The following SPATA13 variants were observed in gnomAD, a reference collection of about 807,000 sequenced individuals.
The protein encoded by SPATA13 is spermatogenesis associated 13.
SPATA13 carries 50 observed loss-of-function variants against 104.0 expected under a neutral mutation model. The ratio of observed to expected loss-of-function variants is 0.48; its 90% confidence interval spans 0.38 to 0.61. The LOEUF is 0.61. Ranked by LOEUF, SPATA13 falls within the 20% of genes least tolerant of loss-of-function variation. SPATA13 has a pLI of 0.00. For synonymous variants in SPATA13, 606 were observed against 667.5 expected (o/e 0.91, Z 1.42); for missense variants, 1,524 against 1,690.6 (o/e 0.90, Z 1.73).
chr13:24,144,059 C>T (rs60017658), intron 3 of SPATA13, among the ~76,000 whole-genome samples: 2,940 of 152,212 alleles, frequency 0.019, 78 homozygotes, highest in African/African-American at 0.067. Context: ...ACCACACCCC[C>T]GACTGTGAAT....
rs754726668 is a variant in SPATA13 at position 24,297,573 on chromosome 13, C to T, written c.3421C>T (p.Arg1141Cys). 9 of 1,614,022 alleles carry T rather than the reference C, an allele frequency of 5.6e-6. No individual in the cohort carries two copies. Among genetic ancestry groups the T allele is most frequent in the Middle Eastern group, 1.6e-4 (1 of 6,082 alleles). ...GGAGCTTGTGGACCTGGGGGATGGG[C>T]GCGACAAGGACTGCAACCTCAGCGT... ...EMELVDLGDG[R>C]DKDCNLSVKN... The change falls in exon 11 of 13, where the codon CGC becomes TGC. Residue 1141 changes from arginine (R) to cysteine (C), a missense_variant. Arg to Cys is a radical substitution (Grantham distance 180). Coordinates refer to ENST00000382108, the MANE Select transcript of SPATA13 (RefSeq NM_001166271.3).
intron 4 of SPATA13, chr13:24,270,737 A>G (rs1566182443): frequency 3.2e-6 from 5 of 1,559,462 alleles, no homozygotes; most frequent in Non-Finnish European, 4.3e-6. Context: ...AAAGCAGTGA[A>G]TAAGCGATTT....
intron 3 of SPATA13, among the ~76,000 whole-genome samples, chr13:24,063,702 A>G (rs1878853578): frequency 6.6e-6 from 1 of 152,214 alleles, no homozygotes; most frequent in African/African-American, 2.4e-5. Flanking sequence ...AGGAGGGGGC[A>G]GCCTTCTCGT....
intron 2 of SPATA13, among the ~76,000 whole-genome samples, chr13:24,236,672 A>G (rs771193397): frequency 3.9e-5 from 6 of 152,180 alleles, no homozygotes; most frequent in Non-Finnish European, 5.9e-5. Context: ...CATTAGGGAA[A>G]TGCAAATTAA....
chr13:24,075,050 G>A (rs182383663), intron 3 of SPATA13, among the ~76,000 whole-genome samples: 23 of 152,304 alleles, frequency 1.5e-4, no homozygotes, highest in Non-Finnish European at 2.9e-4. Flanking sequence ...TTAGGCCAAG[G>A]TTAGAATATG....
rs926568302 is a variant in SPATA13 at position 24,026,466 on chromosome 13, G to A, written c.-112+8765G>A. On this transcript the variant is annotated intron_variant, in intron 3 of 14. Transcript: ENST00000424834. ...CTAGCCTTAGTGATGGGGAGTGTTCGTGGTTCAGTTTGGGTAAGATGGAAT... is the reference window on the plus strand; with the variant it reads ...CTAGCCTTAGTGATGGGGAGTGTTCATGGTTCAGTTTGGGTAAGATGGAAT... 9.9e-5 allele frequency among the ~76,000 whole-genome samples: 15 copies of A among 152,284 alleles called. 1 individual carries two copies. Among genetic ancestry groups the A allele is most frequent in the Admixed American group, 8.5e-4 (13 of 15,296 alleles).
intron 3 of SPATA13, among the ~76,000 whole-genome samples, chr13:24,019,233 C>T (rs1453215821): frequency 2.0e-5 from 3 of 150,370 alleles, no homozygotes; most frequent in Non-Finnish European, 4.5e-5. Context: ...GGACTACAGG[C>T]GCCCGCCACT....
chr13:23,995,376 A>G (rs1016966062), intron 2 of SPATA13, among the ~76,000 whole-genome samples: 3 of 152,182 alleles, frequency 2.0e-5, no homozygotes, highest in Admixed American at 2.0e-4. Flanking sequence ...ATTAACATCA[A>G]TATCACTGGG....
intron 3 of SPATA13, among the ~76,000 whole-genome samples, chr13:24,134,233 A>G (rs1881482234): frequency 6.6e-6 from 1 of 152,180 alleles, no homozygotes; most frequent in African/African-American, 2.4e-5. Context: ...GCAGGGAGTA[A>G]TGGTAGACAG....
intron 2 of SPATA13, among the ~76,000 whole-genome samples, chr13:24,239,651 C>T (rs1022880739): frequency 3.9e-5 from 5 of 126,704 alleles, no homozygotes; most frequent in African/African-American, 1.5e-4. Flanking sequence ...GCCGAGATTT[C>T]GTCACTGCAC....
chr13:24,123,976 G>A (rs571757860), intron 3 of SPATA13, among the ~76,000 whole-genome samples: 15 of 152,178 alleles, frequency 9.9e-5, no homozygotes, highest in African/African-American at 3.6e-4. Context: ...GGAAAGGAAG[G>A]CTCAGGGGCC....
intron 4 of SPATA13, among the ~76,000 whole-genome samples, chr13:24,255,004 T>C (rs1007175722): frequency 6.6e-6 from 1 of 152,186 alleles, no homozygotes; most frequent in Admixed American, 6.5e-5. Context: ...TAGCCAGTTA[T>C]ACTCCTTCCC....
chr13:24,257,841 T>C (rs562750308), intron 4 of SPATA13, among the ~76,000 whole-genome samples: 13 of 152,266 alleles, frequency 8.5e-5, no homozygotes, highest in African/African-American at 2.4e-4. Context: ...AGGTTATAAA[T>C]AAATAACATC....
chr13:24,160,942 C>G lies in SPATA13; in HGVS notation c.-112+10C>G. ...AGAGGCGCCGCAGGAGGTAAGACGGCTTCGGGCGCGCGGCTCTGCCGGGCG... is the reference window on the plus strand; with the variant it reads ...AGAGGCGCCGCAGGAGGTAAGACGGGTTCGGGCGCGCGGCTCTGCCGGGCG... On this transcript the variant is annotated intron_variant, in intron 1 of 12. Transcript: ENST00000382108. 1.0e-6 allele frequency: 1 copy of G among 985,898 alleles called. No homozygotes were observed. The highest frequency in any genetic ancestry group is 5.2e-4 in the Middle Eastern group (1 of 1,920). The allele number at this position is 985,898 out of a possible 1,614,324, so 61.1% of individuals were successfully genotyped here.
At chr13:24,276,677 T>C (rs1048458346) in intron 4 of SPATA13, among the ~76,000 whole-genome samples, 3 of 152,238 alleles carry the variant, frequency 2.0e-5, no homozygotes, top group Non-Finnish European at 2.9e-5. Context: ...TTTTTAATTA[T>C]TATAATACAT....
At chr13:24,168,224 C>T (rs755015149) in intron 1 of SPATA13, among the ~76,000 whole-genome samples, 2 of 152,104 alleles carry the variant, frequency 1.3e-5, no homozygotes, top group South Asian at 2.1e-4. Flanking sequence ...GACCCATAGC[C>T]GGTGCCCTTG....
In SPATA13 at chr13:24,123,323, C is replaced by T. The variant is rs1881101535; in HGVS notation, c.-111-99496C>T. ...TCAGCTCTAAGGCTGTTTGAAGGTTCTGATCACTTTCGAACTTCACTTCAC... is the reference window on the plus strand; with the variant it reads ...TCAGCTCTAAGGCTGTTTGAAGGTTTTGATCACTTTCGAACTTCACTTCAC... On this transcript the variant is annotated intron_variant, in intron 3 of 14. Coordinates refer to the SPATA13 transcript ENST00000424834. 5 of 1,441,110 alleles carry T rather than the reference C, an allele frequency of 3.5e-6. No individual in the cohort carries two copies. In the South Asian group the frequency reaches 5.7e-5, roughly 16 times the overall value. 89.3% of individuals were successfully genotyped at this position (1,441,110 alleles called of 1,614,324 possible). A position where few individuals can be genotyped will look rare whatever the true frequency, so the allele number is the denominator to read the frequency against.
chr13:24,135,278 A>G (rs1881523207), intron 3 of SPATA13, among the ~76,000 whole-genome samples: 1 of 152,226 alleles, frequency 6.6e-6, no homozygotes. Flanking sequence ...ATTAGGAAAG[A>G]GACAGTACAA....
intron 3 of SPATA13, chr13:24,123,426 T>C: frequency 1.1e-5 from 15 of 1,386,030 alleles, no homozygotes; most frequent in Middle Eastern, 2.0e-4. Flanking sequence ...TACATGATTC[T>C]GCAACATGCA....
Sources: gnomAD v4.1 joint callset for allele counts (sites outside exome capture counted in the v4.1 genomes callset) on GRCh38, gnomAD v4.1.1 for gene constraint, MANE v1.5 for transcripts, NCBI Gene and HGNC (gene_info 2026-07-23, HGNC 2026-07-21) for gene names.